The following PAWR variants were observed in gnomAD, a reference collection of about 807,000 sequenced individuals.
PAWR encodes the protein pro-apoptotic WT1 regulator, also known as PRKC apoptosis WT1 regulator protein.
Under a neutral mutation model 32.0 loss-of-function variants are expected in PAWR, and 23 were observed. The observed-to-expected ratio is 0.72, with a 90% CI of 0.52 to 1.02. The LOEUF is 1.02. Among genes scored for constraint, PAWR ranks in the 50% least tolerant of loss-of-function variants. PAWR has a pLI of 0.00. For missense variants in PAWR, 457 were observed against 437.7 expected, an observed-to-expected ratio of 1.04 and a Z score of -0.39; for synonymous variants, 226 against 187.1, an observed-to-expected ratio of 1.21 and a Z score of -1.70.
chr12:79,625,603 C>G (rs1216411966), intron 2 of PAWR, among the ~76,000 whole-genome samples: 1 of 151,888 alleles, frequency 6.6e-6, no homozygotes, highest in Non-Finnish European at 1.5e-5. Context: ...GGGCAGATCA[C>G]AAGATCAGGA....
At position 79,586,231 on chromosome 12, in the gene PAWR, G is replaced by C. The variant is rs1048302256; in HGVS notation, c.*6376C>G. 1 of 152,474 alleles carries C rather than the reference G, an allele frequency of 6.6e-6. No homozygotes were observed. The highest frequency in any genetic ancestry group is 2.4e-5 in the African/African-American group (1 of 41,426). 9.4% of individuals were successfully genotyped at this position (152,474 alleles called of 1,614,324 possible). ...ATACATAAAATGTTTAATGTGTTAT[G>C]GAAGGCTAACAGTTTTTCAACTTTT... On this transcript the variant is annotated 3_prime_UTR_variant, in exon 7 of 7. Transcript: ENST00000328827.
chr12:79,646,276 G>A (rs1246778725), intron 2 of PAWR, among the ~76,000 whole-genome samples: 1 of 152,098 alleles, frequency 6.6e-6, no homozygotes, highest in South Asian at 2.1e-4. Flanking sequence ...GTAGTACTAA[G>A]GACACTCCTG....
At chr12:79,660,859 C>G (rs571905468) in intron 2 of PAWR, among the ~76,000 whole-genome samples, 3 of 151,744 alleles carry the variant, frequency 2.0e-5, no homozygotes, top group Non-Finnish European at 4.4e-5. Flanking sequence ...GCTGGGATTA[C>G]AGGCGAGAGC....
At chr12:79,642,232 T>G (rs926734023) in intron 2 of PAWR, among the ~76,000 whole-genome samples, 3 of 152,240 alleles carry the variant, frequency 2.0e-5, no homozygotes, top group African/African-American at 7.2e-5. Flanking sequence ...TTGAAAGCTA[T>G]TATACTTTCT....
At chr12:79,602,364 G>A (rs761554481) in intron 4 of PAWR, among the ~76,000 whole-genome samples, 4 of 152,118 alleles carry the variant, frequency 2.6e-5, no homozygotes, top group Non-Finnish European at 4.4e-5. Context: ...TAAAGGTAAT[G>A]GTAAGCCATT....
At chr12:79,679,968 A>C (rs530919144) in intron 2 of PAWR, among the ~76,000 whole-genome samples, 4 of 152,124 alleles carry the variant, frequency 2.6e-5, no homozygotes, top group Non-Finnish European at 4.4e-5. Flanking sequence ...CTATGTCATT[A>C]CTTGGATTGA....
intron 2 of PAWR, among the ~76,000 whole-genome samples, chr12:79,665,853 CG>C (rs1033967041): frequency 2.6e-5 from 4 of 152,102 alleles, no homozygotes; most frequent in African/African-American, 9.7e-5. Context: ...CTCAATATCC[CG>C]TAACAGAGCC....
rs989557372 is a variant in PAWR, at chr12:79,587,702, T to C, written c.*4905A>G. 1 of 151,994 alleles carries C rather than the reference T, an allele frequency of 6.6e-6. No individual in the cohort carries two copies. The highest frequency in any genetic ancestry group is 1.5e-5 in the Non-Finnish European group (1 of 67,872). The allele number at this position is 151,994 out of a possible 1,614,324, so 9.4% of individuals were successfully genotyped here. ...ATGGTTTCTGTAAGAGGTACATAAT[T>C]AGATTACCAGCATTATCCTTTAGCT... On this transcript the variant is annotated 3_prime_UTR_variant, in exon 7 of 7. Transcript: ENST00000328827.
At chr12:79,594,997 G>C (rs1287358210) in intron 5 of PAWR, among the ~76,000 whole-genome samples, 1 of 152,118 alleles carries the variant, frequency 6.6e-6, no homozygotes, top group Non-Finnish European at 1.5e-5. Flanking sequence ...GATTACAAGC[G>C]TGAGCCACTG....
At position 79,589,199 on chromosome 12, in the gene PAWR, A is replaced by G. The variant is rs146208967; in HGVS notation, c.*3408T>C. On this transcript the variant is annotated 3_prime_UTR_variant, in exon 7 of 7. Transcript: ENST00000328827. ...AAAAAAACTCCAAAGAAAGATACCT[A>G]TCACTGTACATATGAATACTGTCCA... is the stretch of plus-strand genomic sequence containing the variant. 307 of 152,112 alleles carry G rather than the reference A, an allele frequency of 2.0e-3. No homozygotes were observed. The highest frequency in any genetic ancestry group is 7.1e-3 in the African/African-American group (296 of 41,562). The allele number at this position is 152,112 out of a possible 1,614,324, so 9.4% of individuals were successfully genotyped here.
At chr12:79,658,773 C>T (rs959796119) in intron 2 of PAWR, among the ~76,000 whole-genome samples, 4 of 151,918 alleles carry the variant, frequency 2.6e-5, no homozygotes, top group Admixed American at 6.6e-5. Context: ...AAGCGATTCT[C>T]CTGCCTCAGC....
chr12:79,626,657 A>C (rs560006946), intron 2 of PAWR, among the ~76,000 whole-genome samples: 2 of 151,192 alleles, frequency 1.3e-5, no homozygotes, highest in African/African-American at 4.9e-5. Context: ...TGTTACATAT[A>C]TATACATGTG....
intron 2 of PAWR, among the ~76,000 whole-genome samples, chr12:79,654,252 T>G (rs1431320990): frequency 6.6e-6 from 1 of 152,078 alleles, no homozygotes; most frequent in Admixed American, 6.5e-5. Context: ...CAGCAAAGTG[T>G]GGGGGAGTTA....
intron 2 of PAWR, among the ~76,000 whole-genome samples, chr12:79,661,238 G>C (rs1015271899): frequency 1.6e-5 from 2 of 128,186 alleles, no homozygotes; most frequent in African/African-American, 6.6e-5. Flanking sequence ...GAAGAAGCGA[G>C]ACTCTGTCTC....
Position 79,585,311 on chromosome 12 carries a change from AGATT to A in PAWR, c.*7292_*7295del, listed in dbSNP as rs1472789486. ...AATTACATGAAGCGCTTGTTAAAACAGATTGAGCCCCATCTGCAAAGTTTGTGAC... is the reference window on the plus strand; with the variant it reads ...AATTACATGAAGCGCTTGTTAAAACAGAGCCCCATCTGCAAAGTTTGTGAC... On this transcript the variant is annotated 3_prime_UTR_variant, in exon 7 of 7. Transcript: ENST00000328827. The A allele has an allele frequency of 4.1e-5, 11 of 265,330 alleles. No homozygotes were observed. The East Asian group carries it at 1.1e-3, about 27-fold the overall frequency. 16.4% of individuals were successfully genotyped at this position (265,330 alleles called of 1,614,324 possible). A position where few individuals can be genotyped will look rare whatever the true frequency, so the allele number is the denominator to read the frequency against.
intron 2 of PAWR, among the ~76,000 whole-genome samples, chr12:79,683,129 A>G (rs2136886847): frequency 6.6e-6 from 1 of 152,342 alleles, no homozygotes; most frequent in East Asian, 1.9e-4. Flanking sequence ...AGTATGTGAC[A>G]TTACATAAAT....
chr12:79,652,163 A>T (rs1400506959), intron 2 of PAWR, among the ~76,000 whole-genome samples: 1 of 152,202 alleles, frequency 6.6e-6, no homozygotes, highest in African/African-American at 2.4e-5. Context: ...CTGGAGATGG[A>T]TAATGGTGAT....
At chr12:79,680,893 G>A (rs547474139) in intron 2 of PAWR, among the ~76,000 whole-genome samples, 1 of 152,090 alleles carries the variant, frequency 6.6e-6, no homozygotes, top group East Asian at 1.9e-4. Context: ...GCCAAGGTGA[G>A]AGAAGCATTT....
chr12:79,671,808 C>T (rs1877915929), intron 2 of PAWR, among the ~76,000 whole-genome samples: 1 of 152,098 alleles, frequency 6.6e-6, no homozygotes, highest in African/African-American at 2.4e-5. Flanking sequence ...AGTTGTGCAC[C>T]TGTAGTCCTA....
Sources: allele counts gnomAD v4.1 joint callset (sites outside exome capture counted in the v4.1 genomes callset), GRCh38; gene constraint gnomAD v4.1.1; transcripts MANE v1.5; gene names NCBI Gene and HGNC (gene_info 2026-07-23, HGNC 2026-07-21).